Variants in CTNNA2 observed in about 807,000 individuals in gnomAD.
CTNNA2 encodes the protein catenin alpha 2, also known as catenin alpha-2.
A neutral mutation model predicts 101.0 loss-of-function variants in CTNNA2; 42 were observed. That is an observed-to-expected ratio of 0.42 (90% CI 0.32 to 0.54). The LOEUF is 0.54. Ranked by LOEUF, CTNNA2 falls within the 20% of genes least tolerant of loss-of-function variation. The pLI is 0.14. For synonymous variants in CTNNA2, 450 were observed against 456.4 expected (o/e 0.99, Z 0.18); for missense variants, 871 against 1,223.1 (o/e 0.71, Z 4.29).
intron 4 of CTNNA2, among the ~76,000 whole-genome samples, chr2:79,424,996 T>C (rs931999979): frequency 2.0e-5 from 3 of 152,110 alleles, no homozygotes; most frequent in African/African-American, 7.2e-5. Flanking sequence ...CTTAACACAA[T>C]GGGCAGCTGG....
intron 7 of CTNNA2, among the ~76,000 whole-genome samples, chr2:80,120,420 A>C (rs1701766077): frequency 6.6e-6 from 1 of 152,150 alleles, no homozygotes; most frequent in Non-Finnish European, 1.5e-5. Context: ...GAAAAATAGA[A>C]ACCGAAGGAA....
At chr2:80,324,256 C>CG (rs1346798735) in intron 7 of CTNNA2, among the ~76,000 whole-genome samples, 2 of 152,118 alleles carry the variant, frequency 1.3e-5, no homozygotes, top group Non-Finnish European at 2.9e-5. Context: ...TGAAGGGGGT[C>CG]GACAAAGGGG....
chr2:80,033,147 T>G, intron 7 of CTNNA2, among the ~76,000 whole-genome samples: 1 of 76,086 alleles, frequency 1.3e-5, no homozygotes, highest in Non-Finnish European at 2.3e-5. Context: ...GGACTCCATC[T>G]CAAAAAAAAA....
At chr2:80,612,985 G>A (rs1698585414) in intron 17 of CTNNA2, 1 of 151,456 alleles carries the variant, frequency 6.6e-6, no homozygotes. Context: ...AAAAGTTGCA[G>A]TGTCCAAACC....
intron 5 of CTNNA2, among the ~76,000 whole-genome samples, chr2:79,505,382 T>TA (rs1324199263): frequency 6.6e-6 from 1 of 152,340 alleles, no homozygotes; most frequent in Admixed American, 6.5e-5. Flanking sequence ...CTTGGACTGA[T>TA]ACAGTCATAA....
chr2:79,703,618 C>G (rs914463101), intron 2 of CTNNA2, among the ~76,000 whole-genome samples: 1 of 152,142 alleles, frequency 6.6e-6, no homozygotes, highest in South Asian at 2.1e-4. Context: ...GTCAATCCTG[C>G]TGTGTTAATT....
chr2:80,619,099 C>A lies in CTNNA2; in HGVS notation c.2445C>A (p.Ser815Arg). The A allele has an allele frequency of 6.6e-7, 1 of 1,523,806 alleles. No homozygotes were observed. The highest frequency in any genetic ancestry group is 8.8e-7 in the Non-Finnish European group (1 of 1,132,746). 94.4% of individuals were successfully genotyped at this position (1,523,806 alleles called of 1,614,324 possible). ...TCGGAAATCAGACAGGAGTTCAGAG[C>A]ACTTTCACTACCTTTTATGAGGTAG... ...ELIVSGTGVQSTFTTFYEVDC... is the reference protein window; with the variant it reads ...ELIVSGTGVQRTFTTFYEVDC... Residue 815 changes from serine (S) to arginine (R), a missense_variant, in exon 18 of 19, where the codon AGC (serine) becomes AGA (arginine). Transcript: ENST00000402739.
chr2:80,277,553 G>GAA lies in CTNNA2; in HGVS notation c.1057-115639_1057-115638dup, dbSNP rs10650278. 4.1e-3 allele frequency among the ~76,000 whole-genome samples: 342 copies of GAA among 83,800 alleles called. 8 individuals carry two copies. Among genetic ancestry groups the GAA allele is most frequent in the African/African-American group, 0.013 (288 of 21,770 alleles). The allele number at this position is 83,800 out of a possible 152,430, so 55.0% of individuals were successfully genotyped here. On this transcript the variant is annotated intron_variant, in intron 7 of 18. Transcript: ENST00000402739. Reference sequence around the variant, plus strand: ...AGGAGAGACTCAGGGAAGGATTTCTGAAAAAAAAAAAAAAAAAAAATGGAC... The same window carrying GAA: ...AGGAGAGACTCAGGGAAGGATTTCTGAAAAAAAAAAAAAAAAAAAAAATGGAC...
intron 3 of CTNNA2, among the ~76,000 whole-genome samples, chr2:79,338,820 G>T (rs1003028504): frequency 6.6e-6 from 1 of 152,048 alleles, no homozygotes; most frequent in African/African-American, 2.4e-5. Context: ...ACAGGATTTG[G>T]TGATGAATGA....
At chr2:80,221,394 G>T (rs2149054952) in intron 7 of CTNNA2, among the ~76,000 whole-genome samples, 1 of 152,256 alleles carries the variant, frequency 6.6e-6, no homozygotes, top group South Asian at 2.1e-4. Flanking sequence ...GGGGACCTCA[G>T]GCCAGCTGGC....
chr2:79,331,501 T>G (rs1676871514), intron 3 of CTNNA2, among the ~76,000 whole-genome samples: 1 of 152,168 alleles, frequency 6.6e-6, no homozygotes, highest in African/African-American at 2.4e-5. Context: ...TCCTCTCACT[T>G]CTTATGCCTT....
chr2:79,351,803 A>G (rs779699573), intron 3 of CTNNA2, among the ~76,000 whole-genome samples: 1 of 152,208 alleles, frequency 6.6e-6, no homozygotes. Flanking sequence ...TTCATGGTGT[A>G]TATGTACCAC....
chr2:79,886,228 G>C (rs1683848844), intron 6 of CTNNA2, among the ~76,000 whole-genome samples: 1 of 152,134 alleles, frequency 6.6e-6, no homozygotes, highest in South Asian at 2.1e-4. Flanking sequence ...GGCTAAGAAA[G>C]AATAAACATG....
At chr2:79,782,429 G>A (rs1165384629) in intron 3 of CTNNA2, among the ~76,000 whole-genome samples, 1 of 151,998 alleles carries the variant, frequency 6.6e-6, no homozygotes, top group Non-Finnish European at 1.5e-5. Flanking sequence ...TAGATACAGG[G>A]TTTCATCATG....
chr2:80,377,524 G>A (rs1290273358), intron 7 of CTNNA2, among the ~76,000 whole-genome samples: 3 of 152,198 alleles, frequency 2.0e-5, no homozygotes, highest in East Asian at 3.9e-4. Context: ...GAGATGTAAT[G>A]TAAGTCTGTG....
chr2:80,329,378 C>T (rs1671120252), intron 7 of CTNNA2, among the ~76,000 whole-genome samples: 1 of 152,190 alleles, frequency 6.6e-6, no homozygotes, highest in Admixed American at 6.5e-5. Context: ...GTGGTAAAGA[C>T]TGAGAGGAGA....
At chr2:79,803,263 C>G (rs1017849044) in intron 3 of CTNNA2, among the ~76,000 whole-genome samples, 1 of 152,184 alleles carries the variant, frequency 6.6e-6, no homozygotes, top group Non-Finnish European at 1.5e-5. Flanking sequence ...GACCCTAACC[C>G]AGCGGCGCTA....
At chr2:79,185,741 A>T (rs1673769130) in intron 1 of CTNNA2, among the ~76,000 whole-genome samples, 1 of 152,198 alleles carries the variant, frequency 6.6e-6, no homozygotes, top group East Asian at 1.9e-4. Context: ...AATGTTAATT[A>T]TGTCACTGTT....
At position 79,937,128 on chromosome 2, in the gene CTNNA2, A is replaced by T. The variant is rs558665478; in HGVS notation, c.1056+27331A>T. Among the ~76,000 whole-genome samples the T allele has an allele frequency of 2.0e-5, 3 of 152,306 alleles. 1 individual carries two copies. In the South Asian group the frequency reaches 6.2e-4, roughly 32 times the overall value. ...CATAAAAATTACATAGAGGTTTCTT[A>T]TTCAATTTCTTGTCATTTCTACTTA... On this transcript the variant is annotated intron_variant, in intron 7 of 18. Coordinates refer to ENST00000402739, the MANE Select transcript of CTNNA2 (RefSeq NM_001282597.3).
Sources: allele counts gnomAD v4.1 joint callset (sites outside exome capture counted in the v4.1 genomes callset), GRCh38; gene constraint gnomAD v4.1.1; transcripts MANE v1.5; gene names NCBI Gene and HGNC (gene_info 2026-07-23, HGNC 2026-07-21).